NTSR1: variants seen among roughly 807,000 people sequenced by gnomAD.
The protein encoded by NTSR1 is neurotensin receptor 1.
Under a neutral mutation model 31.2 loss-of-function variants are expected in NTSR1, and 29 were observed. That is an observed-to-expected ratio of 0.93 (90% CI 0.69 to 1.27). The LOEUF (loss-of-function observed/expected upper bound fraction) is 1.27, where lower values mean the gene tolerates loss of function less well. Among genes scored for constraint, NTSR1 ranks in the 50% most tolerant of loss-of-function variants. NTSR1 has a pLI of 0.00. For synonymous variants in NTSR1, 282 were observed against 269.9 expected (o/e 1.04, Z -0.44); for missense variants, 697 against 595.4 (o/e 1.17, Z -1.78).
In NTSR1 at chr20:62,709,453, G is replaced by T. The variant is rs761286076; in HGVS notation, c.246G>T (p.Thr82=). ...ALFVVGTVGN[T]VTAFTLARKK... ...TCGTGGTGGGCACGGTGGGCAACACGGTGACGGCGTTCACGCTGGCGCGGA... is the reference window on the plus strand; with the variant it reads ...TCGTGGTGGGCACGGTGGGCAACACTGTGACGGCGTTCACGCTGGCGCGGA... The change falls in exon 1 of 4, where the codon ACG becomes ACT. Residue 82 remains threonine (T), a synonymous_variant. Coordinates refer to ENST00000370501, the MANE Select transcript of NTSR1 (RefSeq NM_002531.3). 6.2e-7 allele frequency: 1 copy of T among 1,612,428 alleles called. No homozygotes were observed. Among genetic ancestry groups the T allele is most frequent in the Non-Finnish European group, 8.5e-7 (1 of 1,179,796 alleles).
chr20:62,711,569 G>T lies in NTSR1; in HGVS notation c.714+1648G>T, dbSNP rs1201999822. Reference sequence around the variant, plus strand: ...CCCGGATCCCCCCACTCAGACCCCCGATCCCCCCGCTCAGATCCCCGATCC... The same window carrying T: ...CCCGGATCCCCCCACTCAGACCCCCTATCCCCCCGCTCAGATCCCCGATCC... On this transcript the variant is annotated intron_variant, in intron 1 of 3. Coordinates refer to ENST00000370501, the MANE Select transcript of NTSR1 (RefSeq NM_002531.3). This position sits in a 1 kb window ranked among gnomAD's most constrained non-coding sequence, Gnocchi z 6.4. 2.9e-5 allele frequency among the ~76,000 whole-genome samples: 1 copy of T among 34,014 alleles called. No homozygotes were observed. The allele number at this position is 34,014 out of a possible 152,430, so 22.3% of individuals were successfully genotyped here. A position where few individuals can be genotyped will look rare whatever the true frequency, so the allele number is the denominator to read the frequency against.
chr20:62,750,071 G>A (rs755158506), intron 1 of NTSR1, among the ~76,000 whole-genome samples: 1 of 152,214 alleles, frequency 6.6e-6, no homozygotes. Context: ...GCAGACCCGC[G>A]GATCGAGAGA....
Position 62,709,287 on chromosome 20 carries a change from A to G in NTSR1, c.80A>G (p.Glu27Gly), listed in dbSNP as rs745837545. ...DPFQRAQAGL[E>G]EALLAPGFGN... ...TTCCAGCGGGCGCAGGCCGGACTGG[A>G]GGAGGCGCTGCTGGCCCCGGGCTTC... Residue 27 changes from glutamate (E) to glycine (G), a missense_variant, in exon 1 of 4, where the codon GAG (glutamate) becomes GGG (glycine). Transcript: ENST00000370501. 8 of 1,587,952 alleles carry G rather than the reference A, an allele frequency of 5.0e-6. No homozygotes were observed. The East Asian group carries it at 1.8e-4, about 37-fold the overall frequency.
At chr20:62,747,334 G>GATAAGAAGTAGAAAGCTTTTTC (rs1568708299) in intron 1 of NTSR1, among the ~76,000 whole-genome samples, 1 of 131,490 alleles carries the variant, frequency 7.6e-6, no homozygotes. Context: ...CACACTCAGT[G>GATAAGAAGTAGAAAGCTTTTTC]TAAAGGCCAC....
chr20:62,740,818 T>G (rs1414418136), intron 1 of NTSR1, among the ~76,000 whole-genome samples: 1 of 152,226 alleles, frequency 6.6e-6, no homozygotes, highest in Non-Finnish European at 1.5e-5. Context: ...GGTGTGAGCA[T>G]TCTCATGGGC....
In NTSR1 at chr20:62,709,517, C is replaced by A. The variant is rs540144378; in HGVS notation, c.310C>A (p.His104Asn). Residue 104 changes from histidine (H) to asparagine (N), a missense_variant, in exon 1 of 4, where the codon CAC (histidine) becomes AAC (asparagine). Physicochemically the swap from His to Asn is moderately conservative, Grantham distance 68. Transcript: ENST00000370501. ...LQSLQSTVHY[H>N]LGSLALSDLL... is the part of the protein sequence containing the mutation. The stretch of plus-strand genomic sequence containing the variant: ...GAGCCTGCAGAGCACGGTGCATTAC[C>A]ACCTGGGCAGCCTGGCGCTGTCCGA... 52 of 1,612,412 alleles carry A rather than the reference C, an allele frequency of 3.2e-5. No individual in the cohort carries two copies. Among genetic ancestry groups the A allele is most frequent in the Non-Finnish European group, 4.1e-5 (48 of 1,179,870 alleles).
intron 1 of NTSR1, among the ~76,000 whole-genome samples, chr20:62,736,260 G>C (rs1403346953): frequency 6.6e-6 from 1 of 152,198 alleles, no homozygotes; most frequent in Non-Finnish European, 1.5e-5. Flanking sequence ...TCCTTTCCCT[G>C]TCTGGGTCTG....
chr20:62,762,119 GT>G lies in NTSR1; in HGVS notation c.*1853del, dbSNP rs1466082235. On this transcript the variant is annotated 3_prime_UTR_variant, in exon 4 of 4. Coordinates refer to ENST00000370501, the MANE Select transcript of NTSR1 (RefSeq NM_002531.3). ...GTGCAGCCCCTACCCCTGCTCAGGAGTGGGCTCAGAGTCTAGCAAATGCTAA... is the reference window on the plus strand; with the variant it reads ...GTGCAGCCCCTACCCCTGCTCAGGAGGGGCTCAGAGTCTAGCAAATGCTAA... 1 of 152,312 alleles carries G rather than the reference GT, an allele frequency of 6.6e-6. No individual in the cohort carries two copies. The highest frequency in any genetic ancestry group is 1.5e-5 in the Non-Finnish European group (1 of 68,116). The allele number at this position is 152,312 out of a possible 1,614,324, so 9.4% of individuals were successfully genotyped here.
At chr20:62,722,844 C>T (rs181874946) in intron 1 of NTSR1, among the ~76,000 whole-genome samples, 12 of 152,262 alleles carry the variant, frequency 7.9e-5, no homozygotes, top group Admixed American at 6.5e-4. Flanking sequence ...GAAAGTCATC[C>T]GTAGATTTTA....
chr20:62,744,073 C>G lies in NTSR1; in HGVS notation c.715-10612C>G, dbSNP rs998194531. Among the ~76,000 whole-genome samples the G allele has an allele frequency of 6.6e-6, 1 of 152,192 alleles. No individual in the cohort carries two copies. Among genetic ancestry groups the G allele is most frequent in the African/African-American group, 2.4e-5 (1 of 41,450 alleles). On this transcript the variant is annotated intron_variant, in intron 1 of 3. Coordinates refer to ENST00000370501, the MANE Select transcript of NTSR1 (RefSeq NM_002531.3). This position sits in a 1 kb window ranked among gnomAD's most constrained non-coding sequence, Gnocchi z 4.1. ...GTCCTCCCCATCAAAATTACACATG[C>G]GAGGGGGCAGAGGCCAGGCTGTCCC...
At position 62,742,788 on chromosome 20, in the gene NTSR1, A is replaced by T. The variant is rs1261811293; in HGVS notation, c.715-11897A>T. Reference sequence around the variant, plus strand: ...ACCCCTTTGCTCTCTTGGCCCTGGCACCCCACCTCTGGCATGGGGAGCAGA... The same window carrying T: ...ACCCCTTTGCTCTCTTGGCCCTGGCTCCCCACCTCTGGCATGGGGAGCAGA... On this transcript the variant is annotated intron_variant, in intron 1 of 3. Transcript: ENST00000370501. The surrounding 1 kb of genome is among the most constrained non-coding windows in gnomAD (Gnocchi z 7.1). Among the ~76,000 whole-genome samples, 1 of 148,794 alleles carries T rather than the reference A, an allele frequency of 6.7e-6. No individual in the cohort carries two copies. Among genetic ancestry groups the T allele is most frequent in the Non-Finnish European group, 1.5e-5 (1 of 67,942 alleles).
chr20:62,728,623 A>G (rs1988951140), intron 1 of NTSR1, among the ~76,000 whole-genome samples: 1 of 152,198 alleles, frequency 6.6e-6, no homozygotes, highest in Non-Finnish European at 1.5e-5. Flanking sequence ...GTGTCTGCGG[A>G]AGACGCTGTG....
chr20:62,711,910 A>G lies in NTSR1; in HGVS notation c.714+1989A>G, dbSNP rs1988623508. ...GTCCAATCGCAGAGGCCTGTGACGT[A>G]TCAACCGTAGGACAGCGGCCCCACG... On this transcript the variant is annotated intron_variant, in intron 1 of 3. Transcript: ENST00000370501. The surrounding 1 kb of genome is among the most constrained non-coding windows in gnomAD (Gnocchi z 6.4). Among the ~76,000 whole-genome samples, 1 of 152,222 alleles carries G rather than the reference A, an allele frequency of 6.6e-6. No individual in the cohort carries two copies. Among genetic ancestry groups the G allele is most frequent in the African/African-American group, 2.4e-5 (1 of 41,470 alleles).
chr20:62,723,156 T>C (rs1168388152), intron 1 of NTSR1, among the ~76,000 whole-genome samples: 1 of 152,248 alleles, frequency 6.6e-6, no homozygotes, highest in Non-Finnish European at 1.5e-5. Context: ...TCAAGAGCCT[T>C]GTTTTCTTAT....
At chr20:62,748,543 T>C (rs1227077647) in intron 1 of NTSR1, among the ~76,000 whole-genome samples, 1 of 152,148 alleles carries the variant, frequency 6.6e-6, no homozygotes, top group East Asian at 1.9e-4. Context: ...TACAAAGCTA[T>C]AGTAATCAAA....
In NTSR1 at chr20:62,732,722, G is replaced by A. The variant is rs993746013; in HGVS notation, c.715-21963G>A. On this transcript the variant is annotated intron_variant, in intron 1 of 3. Transcript: ENST00000370501. The surrounding 1 kb of genome is among the most constrained non-coding windows in gnomAD (Gnocchi z 4.0). ...TTATTGGGGTAATGCCGGCCTCGTA[G>A]AGTGAGTTATAAAGTGTTCCTCTGC... The A allele has an allele frequency of 2.6e-5, 4 of 152,212 alleles. No homozygotes were observed. Among genetic ancestry groups the A allele is most frequent in the African/African-American group, 9.7e-5 (4 of 41,430 alleles). The allele number at this position is 152,212 out of a possible 1,614,324, so 9.4% of individuals were successfully genotyped here. A position where few individuals can be genotyped will look rare whatever the true frequency, so the allele number is the denominator to read the frequency against.
rs1323195407 is a variant in NTSR1 at position 62,758,497 on chromosome 20, G to A, written c.1007+141G>A. 5.5e-6 allele frequency: 4 copies of A among 731,232 alleles called. No individual in the cohort carries two copies. The Admixed American group carries it at 6.6e-5, about 12-fold the overall frequency. 45.3% of individuals were successfully genotyped at this position (731,232 alleles called of 1,614,324 possible). On this transcript the variant is annotated intron_variant, in intron 3 of 3. Transcript: ENST00000370501. The surrounding 1 kb of genome is among the most constrained non-coding windows in gnomAD (Gnocchi z 4.5). ...CCCCGGCGACCCCCTGGGCAGGGTT[G>A]TGCTGTGACTGGGGCCGGGAGAAGG...
chr20:62,727,703 C>T (rs1400865171), intron 1 of NTSR1, among the ~76,000 whole-genome samples: 7 of 152,194 alleles, frequency 4.6e-5, no homozygotes, highest in African/African-American at 9.7e-5. Flanking sequence ...CTGTGTCTGG[C>T]GTGGTGGCAG....
chr20:62,752,551 G>A (rs748974892), intron 1 of NTSR1, among the ~76,000 whole-genome samples: 23 of 152,204 alleles, frequency 1.5e-4, no homozygotes, highest in Non-Finnish European at 1.8e-4. Flanking sequence ...CTCTGGAAAC[G>A]GCAGGATCCT....
Sources: allele counts gnomAD v4.1 joint callset (sites outside exome capture counted in the v4.1 genomes callset), GRCh38; gene constraint gnomAD v4.1.1; non-coding constraint Gnocchi (gnomAD v3.1); transcripts MANE v1.5; gene names NCBI Gene and HGNC (gene_info 2026-07-23, HGNC 2026-07-21).